Variants in ZNF804A observed in about 807,000 individuals in gnomAD.
The protein encoded by ZNF804A is zinc finger protein 804A.
In ZNF804A, 2 loss-of-function variants were observed where a neutral mutation model predicts 16.5. The ratio of observed to expected loss-of-function variants is 0.12; its 90% CI spans 0.05 to 0.38. The LOEUF (loss-of-function observed/expected upper bound fraction) is 0.38, where lower values mean the gene tolerates loss of function less well. Among genes scored for constraint, ZNF804A ranks in the 10% least tolerant of loss-of-function variants. The probability of loss-of-function intolerance (pLI) is 0.99; values close to 1 mark genes in which losing one functional copy is unlikely to be tolerated. For missense variants in ZNF804A, 1,473 were observed against 1,390.7 expected (o/e 1.06, Z -0.94); for synonymous variants, 534 against 489.6 (o/e 1.09, Z -1.20).
At chr2:184,872,149 G>T (rs1695984436) in intron 2 of ZNF804A, among the ~76,000 whole-genome samples, 1 of 152,156 alleles carries the variant, frequency 6.6e-6, no homozygotes, top group Middle Eastern at 3.4e-3. Flanking sequence ...ATAAAATTTA[G>T]TAAATATATA....
At chr2:184,710,977 G>T (rs1025693799) in intron 1 of ZNF804A, among the ~76,000 whole-genome samples, 2 of 151,762 alleles carry the variant, frequency 1.3e-5, no homozygotes, top group Admixed American at 1.3e-4. Flanking sequence ...TGAAAGTCCA[G>T]ATTTTTTTGG....
At chr2:184,888,433 G>T (rs1430979196) in intron 2 of ZNF804A, among the ~76,000 whole-genome samples, 1 of 152,096 alleles carries the variant, frequency 6.6e-6, no homozygotes, top group Non-Finnish European at 1.5e-5. Flanking sequence ...TCAGGATATG[G>T]TATGCTGTGC....
intron 1 of ZNF804A, among the ~76,000 whole-genome samples, chr2:184,722,947 G>A (rs918606303): frequency 3.4e-4 from 51 of 151,998 alleles, no homozygotes; most frequent in African/African-American, 1.2e-3. Flanking sequence ...TCAAAACAGT[G>A]TTACTTTGCC....
Position 184,894,893 on chromosome 2 carries a change from C to T in ZNF804A, c.255+28381C>T, listed in dbSNP as rs530095333. 3.3e-5 allele frequency among the ~76,000 whole-genome samples: 5 copies of T among 152,046 alleles called. No individual in the cohort carries two copies. The South Asian group carries it at 1.0e-3, about 32-fold the overall frequency. On this transcript the variant is annotated intron_variant, in intron 2 of 3. Coordinates refer to ENST00000302277, the MANE Select transcript of ZNF804A (RefSeq NM_194250.2). ...TGTTTTTAGTAGAGGCGGGGTTTCACCGTGTTAGCCAGGATGGTCTCCATC... is the reference window on the plus strand; with the variant it reads ...TGTTTTTAGTAGAGGCGGGGTTTCATCGTGTTAGCCAGGATGGTCTCCATC...
At chr2:184,722,119 A>G (rs1316439467) in intron 1 of ZNF804A, among the ~76,000 whole-genome samples, 1 of 151,716 alleles carries the variant, frequency 6.6e-6, no homozygotes, top group Non-Finnish European at 1.5e-5. Context: ...GTTGGGGGGG[A>G]TGAAGAAACA....
intron 1 of ZNF804A, among the ~76,000 whole-genome samples, chr2:184,832,083 CA>C (rs1252269606): frequency 6.6e-6 from 1 of 151,992 alleles, no homozygotes; most frequent in African/African-American, 2.4e-5. Flanking sequence ...ATAAATTCAT[CA>C]AAGTATACTT....
intron 1 of ZNF804A, among the ~76,000 whole-genome samples, chr2:184,608,180 C>T (rs1050029286): frequency 1.3e-5 from 2 of 151,696 alleles, no homozygotes; most frequent in African/African-American, 2.4e-5. Context: ...CTCCTGACCT[C>T]GTGATCCGCC....
At chr2:184,637,705 A>G (rs747250959) in intron 1 of ZNF804A, among the ~76,000 whole-genome samples, 10 of 152,218 alleles carry the variant, frequency 6.6e-5, no homozygotes, top group Non-Finnish European at 1.5e-4. Flanking sequence ...AAGGTATTTT[A>G]TGATTATTGC....
chr2:184,615,388 G>T (rs1559108790), intron 1 of ZNF804A, among the ~76,000 whole-genome samples: 1 of 152,096 alleles, frequency 6.6e-6, no homozygotes, highest in African/African-American at 2.4e-5. Context: ...AAGAATAATT[G>T]GGTGATGGCA....
At chr2:184,885,099 GA>G (rs1684867024) in intron 2 of ZNF804A, among the ~76,000 whole-genome samples, 1 of 151,138 alleles carries the variant, frequency 6.6e-6, no homozygotes, top group Non-Finnish European at 1.5e-5. Context: ...TATAAAAAAT[GA>G]ACATCACTAA....
At chr2:184,881,827 A>C (rs868808980) in intron 2 of ZNF804A, among the ~76,000 whole-genome samples, 1 of 152,062 alleles carries the variant, frequency 6.6e-6, no homozygotes, top group South Asian at 2.1e-4. Context: ...ATTATTAGCC[A>C]CTACAAAAAC....
At position 184,599,962 on chromosome 2, in the gene ZNF804A, G is replaced by T. The variant is rs540143722; in HGVS notation, c.111+892G>T. Among the ~76,000 whole-genome samples, 3 of 152,228 alleles carry T rather than the reference G, an allele frequency of 2.0e-5. No homozygotes were observed. In the South Asian group the frequency reaches 6.2e-4, roughly 32 times the overall value. On this transcript the variant is annotated intron_variant, in intron 1 of 3. Transcript: ENST00000302277. ...CTATACACCTCCATAAAGTAAAAAAGGAAGTAGAATAAAGGCTCATTAGGC... is the reference window on the plus strand; with the variant it reads ...CTATACACCTCCATAAAGTAAAAAATGAAGTAGAATAAAGGCTCATTAGGC...
At chr2:184,935,737 T>C (rs992178909) in intron 3 of ZNF804A, 46 bp from the exon 4 acceptor site, 15 of 1,496,238 alleles carry the variant, frequency 1.0e-5, no homozygotes, top group Admixed American at 9.2e-5. Flanking sequence ...TATTTTTTTT[T>C]CTCAAAAGTG....
chr2:184,789,014 T>C (rs1694491302), intron 1 of ZNF804A, among the ~76,000 whole-genome samples: 1 of 151,942 alleles, frequency 6.6e-6, no homozygotes, highest in Non-Finnish European at 1.5e-5. Context: ...ATATTCTATT[T>C]ATGTCCTAGT....
intron 1 of ZNF804A, among the ~76,000 whole-genome samples, chr2:184,839,220 A>T (rs994886391): frequency 1.3e-5 from 2 of 152,110 alleles, no homozygotes; most frequent in African/African-American, 4.8e-5. Context: ...GTATGTGTGT[A>T]TGTAATTTAA....
intron 1 of ZNF804A, among the ~76,000 whole-genome samples, chr2:184,634,645 T>C (rs556852994): frequency 6.6e-6 from 1 of 152,098 alleles, no homozygotes; most frequent in Non-Finnish European, 1.5e-5. Context: ...AACATTGCAG[T>C]TGGCCTCTAG....
chr2:184,830,104 AC>A (rs1695238786), intron 1 of ZNF804A, among the ~76,000 whole-genome samples: 1 of 123,144 alleles, frequency 8.1e-6, no homozygotes, highest in African/African-American at 3.7e-5. Flanking sequence ...TCAACAACAC[AC>A]CCACCCACAC....
At chr2:184,669,764 G>C (rs12693386) in intron 1 of ZNF804A, among the ~76,000 whole-genome samples, 7 of 42,034 alleles carry the variant, frequency 1.7e-4, no homozygotes, top group Non-Finnish European at 4.2e-4. Flanking sequence ...ACACACACAC[G>C]CACACACACA....
intron 1 of ZNF804A, among the ~76,000 whole-genome samples, chr2:184,620,117 A>G (rs188382357): frequency 3.3e-5 from 5 of 151,944 alleles, no homozygotes; most frequent in Non-Finnish European, 4.4e-5. Context: ...TAAACTATTA[A>G]AGAAAGTTTG....
Sources: allele counts gnomAD v4.1 joint callset (sites outside exome capture counted in the v4.1 genomes callset), GRCh38; gene constraint gnomAD v4.1.1; transcripts MANE v1.5; gene names NCBI Gene and HGNC (gene_info 2026-07-23, HGNC 2026-07-21).